QKI: variants seen among roughly 807,000 people sequenced by gnomAD.
QKI encodes the protein KH domain-containing RNA-binding protein QKI.
A neutral mutation model predicts 39.0 loss-of-function variants in QKI; 10 were observed. The ratio of observed to expected loss-of-function variants is 0.26; its 90% CI spans 0.16 to 0.43. QKI has a LOEUF of 0.43. Among genes scored for constraint, QKI ranks in the 20% least tolerant of loss-of-function variants. The pLI, the probability that QKI is intolerant of heterozygous loss-of-function variation, is 1.00. For synonymous variants in QKI, 204 were observed against 155.4 expected (o/e 1.31, Z -2.33); for missense variants, 218 against 428.0 (o/e 0.51, Z 4.33).
At chr6:163,486,015 G>A (rs1003636122) in intron 3 of QKI, among the ~76,000 whole-genome samples, 4 of 152,354 alleles carry the variant, frequency 2.6e-5, no homozygotes, top group African/African-American at 7.2e-5. Context: ...TTCCTGGGCC[G>A]CATGCGGCCT....
chr6:163,511,695 A>G (rs530907465), intron 3 of QKI, among the ~76,000 whole-genome samples: 2 of 152,186 alleles, frequency 1.3e-5, no homozygotes, highest in South Asian at 4.1e-4. Flanking sequence ...CTGAATTTGC[A>G]ATTAAAAATT....
chr6:163,420,743 C>G (rs930318026), intron 1 of QKI, among the ~76,000 whole-genome samples: 2 of 152,190 alleles, frequency 1.3e-5, no homozygotes, highest in African/African-American at 4.8e-5. Context: ...TAGATTATTT[C>G]GTGTTTTACA....
chr6:163,480,175 C>T (rs145616476), intron 3 of QKI, among the ~76,000 whole-genome samples: 148 of 152,092 alleles, frequency 9.7e-4, no homozygotes, highest in Middle Eastern at 6.8e-3. Flanking sequence ...TAAAAATTGG[C>T]GGATTTAAAA....
chr6:163,442,689 C>T (rs1303735076), intron 1 of QKI, among the ~76,000 whole-genome samples: 1 of 151,918 alleles, frequency 6.6e-6, no homozygotes, highest in African/African-American at 2.4e-5. Context: ...GTGTCATTGC[C>T]CGAGATCAGG....
At chr6:163,446,854 C>T (rs1362794262) in intron 1 of QKI, among the ~76,000 whole-genome samples, 1 of 152,182 alleles carries the variant, frequency 6.6e-6, no homozygotes, top group Non-Finnish European at 1.5e-5. Flanking sequence ...TCTGTGTCTA[C>T]TGGCAGTATC....
chr6:163,549,447 A>G (rs1021722036), intron 4 of QKI, among the ~76,000 whole-genome samples: 12 of 152,210 alleles, frequency 7.9e-5, no homozygotes, highest in African/African-American at 2.9e-4. Flanking sequence ...ATGGTGGCTC[A>G]TGCCTGTAAT....
In QKI at chr6:163,568,153, A is replaced by T. The variant is rs1488739451; in HGVS notation, c.1009+1358A>T. ...GGGAAGTTTTTTGGAAAGTCACTTG[A>T]GTTTTAAAGAAACTGGACAATTCCA... On this transcript the variant is annotated intron_variant, in intron 7 of 7. Transcript: ENST00000361752. 4 of 985,174 alleles carry T rather than the reference A, an allele frequency of 4.1e-6. No homozygotes were observed. In the African/African-American group the frequency reaches 7.0e-5, roughly 17 times the overall value. The allele number at this position is 985,174 out of a possible 1,614,324, so 61.0% of individuals were successfully genotyped here. A position where few individuals can be genotyped will look rare whatever the true frequency, so the allele number is the denominator to read the frequency against.
At chr6:163,568,570 C>CTGAAG in intron 7 of QKI, 2 of 978,616 alleles carry the variant, frequency 2.0e-6, no homozygotes, top group Non-Finnish European at 2.4e-6. Context: ...AGGGAGATGT[C>CTGAAG]TGAAGTCCTT....
chr6:163,497,290 T>A (rs1222295658), intron 3 of QKI, among the ~76,000 whole-genome samples: 1 of 152,190 alleles, frequency 6.6e-6, no homozygotes, highest in African/African-American at 2.4e-5. Context: ...TTAAATTCTT[T>A]TGGAAATTCA....
intron 2 of QKI, among the ~76,000 whole-genome samples, chr6:163,474,787 T>TAAAAA (rs35897463): frequency 2.8e-5 from 3 of 108,634 alleles, no homozygotes; most frequent in East Asian, 2.7e-4. Context: ...ACAAAAAAGT[T>TAAAAA]AAAAAAAAAA....
chr6:163,426,716 C>T (rs936636567), intron 1 of QKI, among the ~76,000 whole-genome samples: 2 of 152,128 alleles, frequency 1.3e-5, no homozygotes, highest in African/African-American at 4.8e-5. Context: ...GACCCCAACA[C>T]GGAAATACAT....
intron 3 of QKI, among the ~76,000 whole-genome samples, chr6:163,515,764 T>A (rs886067915): frequency 2.6e-5 from 4 of 152,194 alleles, no homozygotes; most frequent in African/African-American, 9.6e-5. Flanking sequence ...TATTAAACTT[T>A]CAGAAAGCAC....
chr6:163,432,471 G>T (rs1352800659), intron 1 of QKI, among the ~76,000 whole-genome samples: 1 of 150,450 alleles, frequency 6.6e-6, no homozygotes, highest in Admixed American at 6.6e-5. Context: ...ATAGCTCACT[G>T]CATCCTCTAA....
At chr6:163,550,349 A>G (rs1231301668) in intron 4 of QKI, among the ~76,000 whole-genome samples, 6 of 152,134 alleles carry the variant, frequency 3.9e-5, no homozygotes, top group Non-Finnish European at 2.9e-5. Flanking sequence ...CCACTAATCC[A>G]TTGAGGGACT....
intron 3 of QKI, among the ~76,000 whole-genome samples, chr6:163,510,865 T>G (rs200081981): frequency 3.5e-5 from 2 of 56,736 alleles, no homozygotes; most frequent in Non-Finnish European, 1.3e-4. Context: ...ATGTAACTCT[T>G]TCAGCAACTA....
intron 3 of QKI, among the ~76,000 whole-genome samples, chr6:163,494,555 G>C (rs1350105591): frequency 6.6e-6 from 1 of 152,064 alleles, no homozygotes; most frequent in African/African-American, 2.4e-5. Flanking sequence ...TTTTGATATT[G>C]AGATAGAACA....
chr6:163,431,729 C>A (rs1002191669), intron 1 of QKI, among the ~76,000 whole-genome samples: 1 of 150,504 alleles, frequency 6.6e-6, no homozygotes, highest in African/African-American at 2.4e-5. Context: ...ACCTTTGTAG[C>A]CTTTATAAAA....
chr6:163,566,590 G>C, intron 6 of QKI, 131 bp from the exon 7 acceptor site: 1 of 1,530,210 alleles, frequency 6.5e-7, no homozygotes, highest in South Asian at 1.2e-5. Flanking sequence ...AAACTACTGT[G>C]CCTTAACGTG....
chr6:163,474,240 C>T (rs939836178), intron 2 of QKI, among the ~76,000 whole-genome samples: 1 of 152,080 alleles, frequency 6.6e-6, no homozygotes, highest in Admixed American at 6.6e-5. Flanking sequence ...CTGTTGAAAC[C>T]TTTATTCTTG....
Sources: allele counts gnomAD v4.1 joint callset (sites outside exome capture counted in the v4.1 genomes callset), GRCh38; gene constraint gnomAD v4.1.1; transcripts MANE v1.5; gene names NCBI Gene and HGNC (gene_info 2026-07-23, HGNC 2026-07-21).